The following PLEC variants were observed in gnomAD, a reference collection of about 807,000 sequenced individuals.
PLEC encodes the protein hemidesmosomal protein 1.
PLEC carries 216 observed loss-of-function variants against 392.8 expected under a neutral mutation model. The observed-to-expected ratio is 0.55, with a 90% CI of 0.49 to 0.62. PLEC has a LOEUF of 0.62. Among genes scored for constraint, PLEC ranks in the 20% least tolerant of loss-of-function variants. The pLI is 0.00. For synonymous variants in PLEC, 3,621 were observed against 2,980.6 expected (o/e 1.21, Z -7.00); for missense variants, 6,863 against 6,563.4 (o/e 1.05, Z -1.58).
At position 143,934,738 on chromosome 8, in the gene PLEC, G is replaced by A; in HGVS notation, c.946-8C>T. On this transcript the variant is annotated splice_polypyrimidine_tract_variant and splice_region_variant and intron_variant, in intron 9 of 31. Coordinates refer to ENST00000345136, the MANE Select transcript of PLEC (RefSeq NM_201384.3). The stretch of plus-strand genomic sequence containing the variant: ...GAACTGAGACCACAGGATCTGCCAG[G>A]GACGAGGCTGTCGGCAACCACGCCG... The A allele has an allele frequency of 6.2e-7, 1 of 1,612,282 alleles. No individual in the cohort carries two copies. The highest frequency in any genetic ancestry group is 1.3e-5 in the African/African-American group (1 of 75,052).
At position 143,917,215 on chromosome 8, in the gene PLEC, C is replaced by A; in HGVS notation, c.12606G>T (p.Gln4202His). The part of the protein sequence containing the change: ...SMIIDRRSGR[Q>H]YDIDDAIAKN... ...TGGCGATGGCATCATCGATGTCGTACTGGCGCCCGGAGCGGCGGTCGATGA... is the reference window on the plus strand; with the variant it reads ...TGGCGATGGCATCATCGATGTCGTAATGGCGCCCGGAGCGGCGGTCGATGA... Residue 4202 changes from glutamine (Q) to histidine (H), a missense_variant, in exon 32 of 32, where the codon CAG (glutamine) becomes CAT (histidine). Coordinates refer to ENST00000345136, the MANE Select transcript of PLEC (RefSeq NM_201384.3). 3 of 1,613,048 alleles carry A rather than the reference C, an allele frequency of 1.9e-6. No homozygotes were observed. Among genetic ancestry groups the A allele is most frequent in the Non-Finnish European group, 2.5e-6 (3 of 1,179,808 alleles).
At position 143,935,011 on chromosome 8, in the gene PLEC, G is replaced by A. The variant is rs113133985; in HGVS notation, c.825C>T (p.Asn275=). The A allele has an allele frequency of 1.9e-5, 31 of 1,612,280 alleles. No homozygotes were observed. The highest frequency in any genetic ancestry group is 1.6e-4 in the Middle Eastern group (1 of 6,084). The change falls in exon 8 of 32, where the codon AAC becomes AAT. Residue 275 remains asparagine, a splice_region_variant and synonymous_variant. Transcript: ENST00000345136. ...CCTGCCCTCCGGGCCCCCCACTCAC[G>A]TTGGCCCTCACCCCATCCTGCACGT... The part of the protein sequence containing the change: ...VPDVQDGVRA[N]ELQLRWQEYR...
rs1586827969 is a variant in PLEC, at chr8:143,920,831, T to C, written c.8990A>G (p.Tyr2997Cys). 1.9e-6 allele frequency: 3 copies of C among 1,608,566 alleles called. No homozygotes were observed. The highest frequency in any genetic ancestry group is 1.3e-5 in the African/African-American group (1 of 74,926). Residue 2997 changes from tyrosine to cysteine, a missense_variant, in exon 32 of 32, where the codon TAC (tyrosine) becomes TGC (cysteine). By Grantham distance (194) the Tyr-to-Cys change is radical. Transcript: ENST00000345136. ...LESRVIDREL[Y>C]QQLQRGERSV... ...GCGCTCACCTCGCTGCAGCTGCTGG[T>C]AGAGCTCGCGGTCGATGACCCTGCT...
upstream of PLEC, among the ~76,000 whole-genome samples, chr8:143,952,181 AAC>A (rs66992958): frequency 0.32 from 45,154 of 140,162 alleles, 7,089 homozygotes; most frequent in East Asian, 0.42. Flanking sequence ...GCAGGCTCCA[AAC>A]ACACACACAC....
At chr8:143,954,663 G>A (rs535594846), upstream of PLEC, among the ~76,000 whole-genome samples, 5 of 152,208 alleles carry the variant, frequency 3.3e-5, no homozygotes, top group Non-Finnish European at 5.9e-5. The surrounding 1 kb of genome is among the most constrained non-coding windows in gnomAD (Gnocchi z 4.6). Flanking sequence ...CACTGCGCAC[G>A]CCTGGGGGAG....
rs781877105 is a variant in PLEC at position 143,932,997 on chromosome 8, C to T, written c.1533G>A (p.Val511=). 20 of 1,608,858 alleles carry T rather than the reference C, an allele frequency of 1.2e-5. No individual in the cohort carries two copies. In the African/African-American group the frequency reaches 2.4e-4, roughly 19 times the overall value. The change falls in exon 14 of 32, where the codon GTG becomes GTA. Residue 511 remains valine, a synonymous_variant. Coordinates refer to ENST00000345136, the MANE Select transcript of PLEC (RefSeq NM_201384.3). ...TQVAQVTLQS[V]QRRPELEDST... ...AGTCCTCCAGCTCGGGGCGCCTCTG[C>T]ACACTCTGCAGAGTCACCTGGGCCA...
At position 143,969,023 on chromosome 8, in the gene PLEC, A is replaced by G. The variant is rs1483474812; in HGVS notation, c.70+4380T>C. 2.6e-5 allele frequency among the ~76,000 whole-genome samples: 4 copies of G among 152,250 alleles called. No homozygotes were observed. Among genetic ancestry groups the G allele is most frequent in the Non-Finnish European group, 5.9e-5 (4 of 68,046 alleles). ...ACTCCTAGGTATCTACCCAGCAGAA[A>G]TAAAAAACATACGACCACACAAAAA... is the stretch of plus-strand genomic sequence containing the variant. On this transcript the variant is annotated intron_variant, in intron 1 of 31. Coordinates refer to the PLEC transcript ENST00000356346. This position sits in a 1 kb window ranked among gnomAD's most constrained non-coding sequence, Gnocchi z 5.1.
chr8:143,918,272 G>T lies in PLEC; in HGVS notation c.11549C>A (p.Ser3850Tyr). 1.3e-6 allele frequency: 2 copies of T among 1,592,880 alleles called. No individual in the cohort carries two copies. Among genetic ancestry groups the T allele is most frequent in the South Asian group, 2.2e-5 (2 of 90,426 alleles). Residue 3850 changes from serine to tyrosine, a missense_variant, in exon 32 of 32, where the codon TCC (serine) becomes TAC (tyrosine). Physicochemically the swap from Ser to Tyr is moderately radical, Grantham distance 144. Transcript: ENST00000345136. ...CGTGTAGCTGAGGCGCTCGTCGGTG[G>T]ACGGGTCCACGTAGCTGCGCACCTC... is the stretch of plus-strand genomic sequence containing the variant. ...PSEVRSYVDPSTDERLSYTQL... is the reference protein window; with the variant it reads ...PSEVRSYVDPYTDERLSYTQL...
Position 143,922,243 on chromosome 8 carries a change from C to T in PLEC, c.7578G>A (p.Lys2526=), listed in dbSNP as rs782348688. The change falls in exon 32 of 32, where the codon AAG becomes AAA. Residue 2526 remains lysine (K), a synonymous_variant. Transcript: ENST00000345136. The stretch of plus-strand genomic sequence containing the variant: ...GCTGCTCCTCACGCAGCTGCTGTGC[C>T]TTGGCCACCTCGTCCTGGAAGAGCT... ...LEQLFQDEVA[K]AQQLREEQQR... 33 of 1,590,350 alleles carry T rather than the reference C, an allele frequency of 2.1e-5. No homozygotes were observed. In the East Asian group the frequency reaches 5.8e-4, roughly 28 times the overall value.
In PLEC at chr8:143,919,817, T is replaced by C; in HGVS notation, c.10004A>G (p.Lys3335Arg). Residue 3335 changes from lysine to arginine, a missense_variant, in exon 32 of 32, where the codon AAG becomes AGG. Coordinates refer to ENST00000345136, the MANE Select transcript of PLEC (RefSeq NM_201384.3). Reference sequence around the variant, plus strand: ...CTCCGAAAGGTCCTTGACCGTCGTCTTGCCGTCCTTGAGCTGCTCAAACTG... The same window carrying C: ...CTCCGAAAGGTCCTTGACCGTCGTCCTGCCGTCCTTGAGCTGCTCAAACTG... ...RAQFEQLKDGKTTVKDLSELG... is the reference protein window; with the variant it reads ...RAQFEQLKDGRTTVKDLSELG... 1.2e-6 allele frequency: 2 copies of C among 1,613,090 alleles called. No homozygotes were observed. Among genetic ancestry groups the C allele is most frequent in the Middle Eastern group, 1.6e-4 (1 of 6,062 alleles).
upstream of PLEC, chr8:143,943,661 G>A: frequency 2.1e-6 from 2 of 973,600 alleles, no homozygotes; most frequent in Admixed American, 2.0e-5. Flanking sequence ...GGGCAACACT[G>A]CTTTCACTGA....
upstream of PLEC, chr8:143,975,189 T>C (rs781840326): frequency 1.2e-5 from 19 of 1,600,032 alleles, no homozygotes; most frequent in Non-Finnish European, 1.5e-5. The surrounding 1 kb of genome is among the most constrained non-coding windows in gnomAD (Gnocchi z 9.9). Context: ...GCGATGCGAA[T>C]GACCGCCCGC....
In PLEC at chr8:143,924,224, G is replaced by A. The variant is rs781817576; in HGVS notation, c.5705C>T (p.Ser1902Leu). ...CTTCTGCCGCTCCAGCTCGCTGTCCGATGCCTTGCGCAGCTGGGCCAGGCG... is the reference window on the plus strand; with the variant it reads ...CTTCTGCCGCTCCAGCTCGCTGTCCAATGCCTTGCGCAGCTGGGCCAGGCG... ...EERLAQLRKA[S>L]DSELERQKGL... Residue 1902 changes from serine (S) to leucine (L), a missense_variant, in exon 31 of 32, where the codon TCG (serine) becomes TTG (leucine). By Grantham distance (145) the Ser-to-Leu change is moderately radical (BLOSUM62 -2). Coordinates refer to ENST00000345136, the MANE Select transcript of PLEC (RefSeq NM_201384.3). 5.6e-5 allele frequency: 90 copies of A among 1,598,378 alleles called. No homozygotes were observed. Among genetic ancestry groups the A allele is most frequent in the East Asian group, 1.1e-4 (5 of 44,818 alleles).
At chr8:143,941,670 C>T (rs1830479187), upstream of PLEC, among the ~76,000 whole-genome samples, 2 of 130,844 alleles carry the variant, frequency 1.5e-5, no homozygotes, top group African/African-American at 5.9e-5. Context: ...CCCTCCCTCC[C>T]AGCCCAGCCT....
intron 19 of PLEC, 59 bp downstream of exon 19, chr8:143,931,475 T>G: frequency 6.5e-7 from 1 of 1,547,906 alleles, no homozygotes; most frequent in Non-Finnish European, 8.7e-7. Flanking sequence ...AGAGTACCCG[T>G]GCAGCCCAGA....
Position 143,918,366 on chromosome 8 carries a change from G to T in PLEC, c.11455C>A (p.Pro3819Thr), listed in dbSNP as rs1479965902. The change falls in exon 32 of 32, where the codon CCC (proline) becomes ACC (threonine). Residue 3819 changes from proline (P) to threonine (T), a missense_variant. Pro to Thr is a conservative substitution (Grantham distance 38). Coordinates refer to ENST00000345136, the MANE Select transcript of PLEC (RefSeq NM_201384.3). The stretch of plus-strand genomic sequence containing the variant: ...CCACGCTGGTAAGCCACCTCCAGGG[G>T]AAGGTGGAAGCCCAGGCGGGGGTCC... The part of the protein sequence containing the change: ...IVDPRLGFHL[P>T]LEVAYQRGYL... The T allele has an allele frequency of 1.9e-6, 3 of 1,571,882 alleles. No homozygotes were observed. The highest frequency in any genetic ancestry group is 3.6e-5 in the Admixed American group (2 of 55,002).
chr8:143,916,351 G>A lies in PLEC; in HGVS notation c.13470C>T (p.Arg4490=), dbSNP rs531535217. The change falls in exon 32 of 32, where the codon CGC becomes CGT. Residue 4490 remains arginine, a synonymous_variant. Coordinates refer to ENST00000345136, the MANE Select transcript of PLEC (RefSeq NM_201384.3). ...VSGSGSTAGS[R]TGSRTGSRAG... ...CCCGGGAGCCGGTGCGCGAGCCGGT[G>A]CGGGAGCCAGCGGTAGAGCCGGAGC... 183 of 1,605,718 alleles carry A rather than the reference G, an allele frequency of 1.1e-4. No homozygotes were observed. The East Asian group carries it at 3.5e-3, about 31-fold the overall frequency.
In PLEC at chr8:143,947,049, G is replaced by A. The variant is rs187332337; in HGVS notation, c.523+3135C>T. Among the ~76,000 whole-genome samples, 212 of 152,270 alleles carry A rather than the reference G, an allele frequency of 1.4e-3. 1 individual carries two copies. The highest frequency in any genetic ancestry group is 4.7e-3 in the African/African-American group (197 of 41,542). The stretch of plus-strand genomic sequence containing the variant: ...CGTAACTACCCCTTAGAAGCCTGCC[G>A]GCGATCTACAGAAATCCCGCAAACG... On this transcript the variant is annotated intron_variant, in intron 1 of 31. Transcript: ENST00000322810.
At position 143,927,421 on chromosome 8, in the gene PLEC, G is replaced by A. The variant is rs201552166; in HGVS notation, c.3745C>T (p.Arg1249Trp). ...ADSQAVREQLRQEQALLEEIE... is the reference protein window; with the variant it reads ...ADSQAVREQLWQEQALLEEIE... ...CGACCCAAGCCCACCTGCTCCTGCC[G>A]CAGCTGCTCCCGCACAGCCTGGCTG... The change falls in exon 27 of 32, where the codon CGG (arginine) becomes TGG (tryptophan). Residue 1249 changes from arginine (R) to tryptophan (W), a missense_variant. Arg to Trp is a moderately radical substitution (Grantham distance 101, BLOSUM62 -3). Coordinates refer to ENST00000345136, the MANE Select transcript of PLEC (RefSeq NM_201384.3). The A allele has an allele frequency of 9.4e-6, 15 of 1,602,250 alleles. No individual in the cohort carries two copies. Among genetic ancestry groups the A allele is most frequent in the African/African-American group, 5.3e-5 (4 of 74,836 alleles).
Sources: gnomAD v4.1 joint callset for allele counts (sites outside exome capture counted in the v4.1 genomes callset) on GRCh38, gnomAD v4.1.1 for gene constraint, Gnocchi (gnomAD v3.1) non-coding constraint, MANE v1.5 for transcripts, NCBI Gene and HGNC (gene_info 2026-07-23, HGNC 2026-07-21) for gene names.